The following GATA4 variants were observed in gnomAD, a reference collection of about 807,000 sequenced individuals.
GATA4 encodes the protein GATA binding protein 4, also known as transcription factor GATA-4.
Under a neutral mutation model 37.9 loss-of-function variants are expected in GATA4, and 7 were observed. The observed-to-expected ratio is 0.18, with a 90% CI of 0.11 to 0.35. GATA4 has a LOEUF of 0.35. Ranked by LOEUF, GATA4 falls within the 10% of genes least tolerant of loss-of-function variation. The pLI is 1.00. For synonymous variants in GATA4, 372 were observed against 292.6 expected, an observed-to-expected ratio of 1.27 and a Z score of -2.77; for missense variants, 647 against 653.0, an observed-to-expected ratio of 0.99 and a Z score of 0.10.
chr8:11,708,432 C>T lies in GATA4; in HGVS notation c.120C>T (p.Pro40=). 1 of 1,535,120 alleles carries T rather than the reference C, an allele frequency of 6.5e-7. No homozygotes were observed. The highest frequency in any genetic ancestry group is 1.2e-5 in the South Asian group (1 of 84,096). The change falls in exon 2 of 7, where the codon CCC becomes CCT. Residue 40 remains proline (P), a synonymous_variant. Coordinates refer to ENST00000532059, the MANE Select transcript of GATA4 (RefSeq NM_001308093.3). The surrounding 1 kb of genome is among the most constrained non-coding windows in gnomAD (Gnocchi z 6.7). The part of the protein sequence containing the change: ...AGAASSPVYV[P]TPRVPSSVLG... The stretch of plus-strand genomic sequence containing the variant: ...CCGCGTCCTCGCCAGTCTACGTGCC[C>T]ACACCGCGGGTGCCCTCCTCCGTGC...
intron 2 of GATA4, among the ~76,000 whole-genome samples, chr8:11,741,619 C>T (rs140870469): frequency 3.3e-5 from 5 of 152,340 alleles, no homozygotes; most frequent in African/African-American, 4.8e-5. Context: ...GAGCCAGCAA[C>T]TGATCCTGCA....
chr8:11,704,493 A>G (rs1218580147), intron 1 of GATA4, among the ~76,000 whole-genome samples, 189 bp downstream of exon 1: 1 of 152,234 alleles, frequency 6.6e-6, no homozygotes, highest in Non-Finnish European at 1.5e-5. Flanking sequence ...TCTTTAAGTC[A>G]AAGTAAGACT....
At chr8:11,758,203 T>A in intron 6 of GATA4, 90 bp from the exon 7 acceptor site, 2 of 1,300,380 alleles carry the variant, frequency 1.5e-6, no homozygotes, top group Non-Finnish European at 2.2e-6. Flanking sequence ...CCTGGGGACA[T>A]CTGCATAGCA....
chr8:11,756,900 G>T (rs1371882660), intron 5 of GATA4, 35 bp from the exon 6 acceptor site: 13 of 1,614,118 alleles, frequency 8.1e-6, no homozygotes, highest in Non-Finnish European at 1.0e-5. Context: ...TGTCCCTGCC[G>T]CTGATTTGGG....
At chr8:11,722,053 G>T (rs915328084) in intron 2 of GATA4, among the ~76,000 whole-genome samples, 4 of 152,002 alleles carry the variant, frequency 2.6e-5, no homozygotes, top group African/African-American at 9.7e-5. Context: ...TCACTTTGTT[G>T]CCCACACTGG....
intron 2 of GATA4, among the ~76,000 whole-genome samples, chr8:11,711,505 C>T (rs909762514): frequency 4.0e-5 from 6 of 151,866 alleles, no homozygotes; most frequent in Non-Finnish European, 7.4e-5. Flanking sequence ...TGGCCAGGCG[C>T]AGAGGCTCAT....
chr8:11,717,686 C>T (rs948719712), intron 2 of GATA4, among the ~76,000 whole-genome samples: 1 of 152,226 alleles, frequency 6.6e-6, no homozygotes, highest in Admixed American at 6.5e-5. Flanking sequence ...ACTTGTCGCT[C>T]CCATCCGCTT....
Position 11,698,043 on chromosome 8 carries a change from C to T in GATA4, c.-728-2465C>T, listed in dbSNP as rs762781097. ...CCCTGGACTCTGGGTTGACCTCGTC[C>T]CGGTCGGGTTCTCTCTCCTCCCACC... On this transcript the variant is annotated intron_variant, in intron 1 of 2. Transcript: ENST00000526974. The T allele has an allele frequency of 2.7e-5, 27 of 982,942 alleles. No homozygotes were observed. The East Asian group carries it at 8.0e-4, about 29-fold the overall frequency. 60.9% of individuals were successfully genotyped at this position (982,942 alleles called of 1,614,324 possible).
intron 2 of GATA4, among the ~76,000 whole-genome samples, chr8:11,741,074 C>G (rs1376406325): frequency 1.3e-5 from 2 of 152,110 alleles, no homozygotes; most frequent in Non-Finnish European, 2.9e-5. Context: ...CTGCGGTTCT[C>G]TGGTGGGAAG....
At chr8:11,722,063 G>T (rs1402835055) in intron 2 of GATA4, among the ~76,000 whole-genome samples, 1 of 152,022 alleles carries the variant, frequency 6.6e-6, no homozygotes, top group Non-Finnish European at 1.5e-5. Context: ...GCCCACACTG[G>T]TCTCTAACTC....
At chr8:11,750,376 C>T (rs758115138) in intron 4 of GATA4, 140 bp downstream of exon 4, 2 of 1,168,198 alleles carry the variant, frequency 1.7e-6, no homozygotes, top group Non-Finnish European at 2.5e-6. Context: ...CTTTCAACTA[C>T]TTTGCTGGCC....
chr8:11,741,319 T>G (rs1801727540), intron 2 of GATA4, among the ~76,000 whole-genome samples: 1 of 151,916 alleles, frequency 6.6e-6, no homozygotes, highest in Non-Finnish European at 1.5e-5. Flanking sequence ...CTCTACAAAA[T>G]GCTAGAAAAA....
chr8:11,725,863 G>A (rs1800897949), intron 2 of GATA4, among the ~76,000 whole-genome samples: 1 of 152,234 alleles, frequency 6.6e-6, no homozygotes, highest in African/African-American at 2.4e-5. Flanking sequence ...CTGGGCCCGG[G>A]GGGTGGGGTG....
At chr8:11,720,779 G>GTTT (rs529789610) in intron 2 of GATA4, among the ~76,000 whole-genome samples, 4 of 149,454 alleles carry the variant, frequency 2.7e-5, no homozygotes, top group South Asian at 2.1e-4. Context: ...ACCTGATCTG[G>GTTT]TTTTTTTTTT....
intron 2 of GATA4, among the ~76,000 whole-genome samples, chr8:11,735,159 A>T (rs1222108134): frequency 1.3e-5 from 2 of 152,254 alleles, no homozygotes; most frequent in Non-Finnish European, 2.9e-5. Context: ...CAAAGATTTG[A>T]AAAAGCTGGT....
At chr8:11,713,760 T>A (rs61265429) in intron 2 of GATA4, among the ~76,000 whole-genome samples, 7,074 of 152,290 alleles carry the variant, frequency 0.046, 554 homozygotes, top group African/African-American at 0.16. Context: ...CAGTATAGAA[T>A]ATGGCTTGTC....
chr8:11,748,302 G>A (rs1418146704), intron 2 of GATA4, among the ~76,000 whole-genome samples: 1 of 152,166 alleles, frequency 6.6e-6, no homozygotes, highest in Non-Finnish European at 1.5e-5. Context: ...TGAGGCTGGA[G>A]TATCGCTTGA....
intron 1 of GATA4, among the ~76,000 whole-genome samples, chr8:11,680,231 G>T (rs557601708): frequency 6.6e-6 from 1 of 152,218 alleles, no homozygotes; most frequent in African/African-American, 2.4e-5. Context: ...TCAATCTTTG[G>T]TGCAAAGCCT....
chr8:11,721,496 G>T (rs1333351478), intron 2 of GATA4, among the ~76,000 whole-genome samples: 2 of 151,882 alleles, frequency 1.3e-5, no homozygotes, highest in East Asian at 1.9e-4. Context: ...CCCAAGCAGG[G>T]TGATGAGCGC....
Sources: allele counts gnomAD v4.1 joint callset (sites outside exome capture counted in the v4.1 genomes callset), GRCh38; gene constraint gnomAD v4.1.1; non-coding constraint Gnocchi (gnomAD v3.1); transcripts MANE v1.5; gene names NCBI Gene and HGNC (gene_info 2026-07-23, HGNC 2026-07-21).